The following UBE2K variants were observed in gnomAD, a reference collection of about 807,000 sequenced individuals.
UBE2K encodes ubiquitin-conjugating enzyme E2 K.
Under a neutral mutation model 30.0 loss-of-function variants are expected in UBE2K, and 6 were observed. The observed-to-expected ratio is 0.20, with a 90% CI of 0.11 to 0.39. The LOEUF (loss-of-function observed/expected upper bound fraction) is 0.39, where lower values mean the gene tolerates loss of function less well. Among genes scored for constraint, UBE2K ranks in the 10% least tolerant of loss-of-function variants. The pLI is 1.00. For missense variants in UBE2K, 61 were observed against 241.6 expected, an observed-to-expected ratio of 0.25 and a Z score of 4.96; for synonymous variants, 86 against 83.7, an observed-to-expected ratio of 1.03 and a Z score of -0.15.
chr4:39,741,922 G>A (rs1720722700), intron 2 of UBE2K, among the ~76,000 whole-genome samples: 1 of 152,010 alleles, frequency 6.6e-6, no homozygotes, highest in African/African-American at 2.4e-5. Flanking sequence ...ATTATAATAT[G>A]AATAATATAG....
intron 4 of UBE2K, among the ~76,000 whole-genome samples, chr4:39,772,481 A>G (rs954533798): frequency 3.3e-5 from 5 of 151,524 alleles, no homozygotes; most frequent in African/African-American, 1.2e-4. Context: ...AGGCTGAGGT[A>G]TGAGAATCAC....
At chr4:39,733,583 T>C (rs1720196247) in intron 1 of UBE2K, among the ~76,000 whole-genome samples, 1 of 152,146 alleles carries the variant, frequency 6.6e-6, no homozygotes, top group South Asian at 2.1e-4. Context: ...TCCACCCGCC[T>C]TGGCCTCCCA....
chr4:39,710,957 C>G (rs1718635044), intron 1 of UBE2K, among the ~76,000 whole-genome samples: 1 of 151,930 alleles, frequency 6.6e-6, no homozygotes, highest in South Asian at 2.1e-4. Flanking sequence ...CACTGGATAA[C>G]TTTTTTCTTA....
intron 1 of UBE2K, among the ~76,000 whole-genome samples, chr4:39,727,578 CTT>C (rs1201271762): frequency 2.8e-5 from 4 of 142,506 alleles, no homozygotes; most frequent in Admixed American, 7.1e-5. Flanking sequence ...CTGGACTGAT[CTT>C]TTTTTTTTTT....
rs546092592 is a variant in UBE2K at position 39,731,543 on chromosome 4, G to T, written c.64-5877G>T. ...ACAAATACAAAAAAATTAGCCAGGC[G>T]TGGTGGCGGGCGCCTGTAATCCCAG... On this transcript the variant is annotated intron_variant, in intron 1 of 6. Coordinates refer to ENST00000261427, the MANE Select transcript of UBE2K (RefSeq NM_005339.5). Among the ~76,000 whole-genome samples the T allele has an allele frequency of 2.6e-5, 4 of 152,148 alleles. No homozygotes were observed. In the East Asian group the frequency reaches 7.7e-4, roughly 29 times the overall value.
chr4:39,736,112 CA>C (rs1231531180), intron 1 of UBE2K, among the ~76,000 whole-genome samples: 6 of 151,388 alleles, frequency 4.0e-5, no homozygotes, highest in Non-Finnish European at 5.9e-5. Context: ...AAGCAAAAAA[CA>C]TAAGAGTAGA....
chr4:39,752,363 G>C (rs1333763472), intron 3 of UBE2K, among the ~76,000 whole-genome samples: 1 of 114,948 alleles, frequency 8.7e-6, no homozygotes, highest in African/African-American at 3.5e-5. Context: ...TTGAGACGGC[G>C]TCTGGCTCTG....
chr4:39,731,783 C>T (rs565943762), intron 1 of UBE2K, among the ~76,000 whole-genome samples: 1 of 152,162 alleles, frequency 6.6e-6, no homozygotes, highest in South Asian at 2.1e-4. Context: ...AACTGTTAAG[C>T]TTTTAAAGTA....
chr4:39,727,774 T>C (rs939414590), intron 1 of UBE2K, among the ~76,000 whole-genome samples: 5 of 152,082 alleles, frequency 3.3e-5, no homozygotes, highest in Non-Finnish European at 7.4e-5. Context: ...TAAAGTATTG[T>C]GTCATGGTGT....
intron 1 of UBE2K, among the ~76,000 whole-genome samples, chr4:39,732,323 A>G (rs1365894125): frequency 1.3e-5 from 2 of 152,228 alleles, no homozygotes; most frequent in African/African-American, 4.8e-5. Context: ...TAGTCCTTAA[A>G]TGATAAAATC....
At chr4:39,722,564 C>G (rs889192345) in intron 1 of UBE2K, among the ~76,000 whole-genome samples, 2 of 152,122 alleles carry the variant, frequency 1.3e-5, no homozygotes, top group African/African-American at 2.4e-5. Context: ...CAGGTGCACT[C>G]ACACACACCC....
chr4:39,718,182 A>G (rs7663847), intron 1 of UBE2K, among the ~76,000 whole-genome samples: 19,661 of 151,978 alleles, frequency 0.13, 1,374 homozygotes, highest in East Asian at 0.22. Context: ...TGTTTTACAG[A>G]GAGTTGATTG....
At chr4:39,727,815 C>T (rs1453454428) in intron 1 of UBE2K, among the ~76,000 whole-genome samples, 1 of 151,996 alleles carries the variant, frequency 6.6e-6, no homozygotes, top group Non-Finnish European at 1.5e-5. Context: ...TACTGGCATA[C>T]ATTGAGATGT....
chr4:39,701,612 G>A (rs1718016337), intron 1 of UBE2K, among the ~76,000 whole-genome samples: 2 of 152,032 alleles, frequency 1.3e-5, no homozygotes, highest in African/African-American at 4.8e-5. Flanking sequence ...CTAAGGATAG[G>A]CATGCTTTTA....
intron 4 of UBE2K, among the ~76,000 whole-genome samples, chr4:39,762,232 A>G (rs903869226): frequency 6.6e-6 from 1 of 150,954 alleles, no homozygotes; most frequent in African/African-American, 2.4e-5. Context: ...TATTTTATTT[A>G]TTTACTTATT....
intron 3 of UBE2K, among the ~76,000 whole-genome samples, chr4:39,755,232 A>G (rs1362809689): frequency 1.3e-5 from 2 of 152,246 alleles, no homozygotes; most frequent in African/African-American, 4.8e-5. Flanking sequence ...TTGTGCTTCC[A>G]TTCACTGGTT....
At chr4:39,730,870 C>G (rs1482587850) in intron 1 of UBE2K, among the ~76,000 whole-genome samples, 8 of 136,344 alleles carry the variant, frequency 5.9e-5, no homozygotes, top group African/African-American at 1.7e-4. Context: ...AGTGCAGTGG[C>G]GTGATCTCTG....
chr4:39,729,447 T>C (rs1163130080), intron 1 of UBE2K, among the ~76,000 whole-genome samples: 1 of 152,224 alleles, frequency 6.6e-6, no homozygotes, highest in Non-Finnish European at 1.5e-5. Context: ...CTTATCTTTA[T>C]TATACTGTCA....
At chr4:39,758,712 A>G (rs973079722) in intron 4 of UBE2K, among the ~76,000 whole-genome samples, 1 of 152,054 alleles carries the variant, frequency 6.6e-6, no homozygotes, top group Non-Finnish European at 1.5e-5. Context: ...AAAAGTTTGC[A>G]GATGAAAACT....
Sources: gnomAD v4.1 joint callset for allele counts (sites outside exome capture counted in the v4.1 genomes callset) on GRCh38, gnomAD v4.1.1 for gene constraint, MANE v1.5 for transcripts, NCBI Gene and HGNC (gene_info 2026-07-23, HGNC 2026-07-21) for gene names.